The following HMCN1 variants were observed in gnomAD, a reference collection of about 807,000 sequenced individuals.
The protein encoded by HMCN1 is hemicentin-1.
Under a neutral mutation model 625.9 loss-of-function variants are expected in HMCN1, and 321 were observed. The observed-to-expected ratio is 0.51, with a 90% CI of 0.47 to 0.56. HMCN1 has a LOEUF of 0.56. Ranked by LOEUF, HMCN1 falls within the 20% of genes least tolerant of loss-of-function variation. The probability of loss-of-function intolerance (pLI) is 0.00; values close to 1 mark genes in which losing one functional copy is unlikely to be tolerated. For missense variants in HMCN1, 6,588 were observed against 6,887.3 expected (o/e 0.96, Z 1.54); for synonymous variants, 2,425 against 2,417.6 (o/e 1.00, Z -0.09).
At chr1:185,901,076 T>G (rs1363510506) in intron 4 of HMCN1, among the ~76,000 whole-genome samples, 1 of 151,868 alleles carries the variant, frequency 6.6e-6, no homozygotes, top group African/African-American at 2.4e-5. Flanking sequence ...AAATGTTTAA[T>G]GCATCTAAAT....
At chr1:185,881,656 T>C (rs1664319302) in intron 4 of HMCN1, among the ~76,000 whole-genome samples, 1 of 152,220 alleles carries the variant, frequency 6.6e-6, no homozygotes, top group African/African-American at 2.4e-5. Context: ...CTAGAATTTC[T>C]CTGCCTCCTG....
At chr1:186,122,334 T>A (rs1661434713) in intron 80 of HMCN1, among the ~76,000 whole-genome samples, 1 of 152,180 alleles carries the variant, frequency 6.6e-6, no homozygotes, top group Non-Finnish European at 1.5e-5. Context: ...GAATAGAATA[T>A]CCAGGCTAAT....
chr1:185,995,000 G>A lies in HMCN1; in HGVS notation c.3691G>A (p.Ala1231Thr). 1.9e-6 allele frequency: 3 copies of A among 1,613,852 alleles called. No individual in the cohort carries two copies. Among genetic ancestry groups the A allele is most frequent in the Non-Finnish European group, 2.5e-6 (3 of 1,179,848 alleles). ...NPDGTLSIDQATPSDAGIYTC... is the reference protein window; with the variant it reads ...NPDGTLSIDQTTPSDAGIYTC... ...AGACGGAACTTTAAGCATCGACCAA[G>A]CCACGCCCTCAGATGCTGGCATATA... Residue 1231 changes from alanine to threonine, a missense_variant, in exon 24 of 107, where the codon GCC becomes ACC. Transcript: ENST00000271588.
intron 8 of HMCN1, among the ~76,000 whole-genome samples, 192 bp from the exon 9 acceptor site, chr1:185,924,855 C>G (rs1169449124): frequency 3.3e-5 from 5 of 151,344 alleles, no homozygotes; most frequent in Non-Finnish European, 7.4e-5. Flanking sequence ...ATAAAGATAT[C>G]CAGAAATCAA....
chr1:185,926,439 A>G (rs1667281800), intron 9 of HMCN1, among the ~76,000 whole-genome samples: 1 of 152,218 alleles, frequency 6.6e-6, no homozygotes, highest in African/African-American at 2.4e-5. Context: ...TGACCGGGAT[A>G]TAAAATGATG....
At position 186,015,016 on chromosome 1, in the gene HMCN1, C is replaced by T. The variant is rs1003941775; in HGVS notation, c.4631-143C>T. On this transcript the variant is annotated intron_variant, in intron 30 of 106. Coordinates refer to ENST00000271588, the MANE Select transcript of HMCN1 (RefSeq NM_031935.3). Reference sequence around the variant, plus strand: ...AAGATGGTTTTGACAATAGAGGAAACTCATTATCAGGAGATAAACCACAGA... The same window carrying T: ...AAGATGGTTTTGACAATAGAGGAAATTCATTATCAGGAGATAAACCACAGA... 4.2e-6 allele frequency: 3 copies of T among 715,482 alleles called. No homozygotes were observed. The African/African-American group carries it at 5.4e-5, about 13-fold the overall frequency. 44.3% of individuals were successfully genotyped at this position (715,482 alleles called of 1,614,324 possible).
chr1:185,769,840 C>G (rs749670187), intron 1 of HMCN1, among the ~76,000 whole-genome samples: 8 of 152,152 alleles, frequency 5.3e-5, no homozygotes, highest in Non-Finnish European at 1.2e-4. Context: ...CCCATCATCA[C>G]AGATGCTAGC....
At chr1:186,052,620 C>A (rs552341089) in intron 42 of HMCN1, among the ~76,000 whole-genome samples, 1 of 152,096 alleles carries the variant, frequency 6.6e-6, no homozygotes, top group South Asian at 2.1e-4. Context: ...GGTACTTTAG[C>A]TTTTTGATGC....
At chr1:186,162,414 C>T (rs189480593) in intron 97 of HMCN1, among the ~76,000 whole-genome samples, 2 of 152,336 alleles carry the variant, frequency 1.3e-5, no homozygotes, top group African/African-American at 2.4e-5. Context: ...CTTCTCTCAA[C>T]TCGTCAAAGT....
chr1:186,122,468 A>G (rs922142547), intron 80 of HMCN1, among the ~76,000 whole-genome samples: 1 of 152,168 alleles, frequency 6.6e-6, no homozygotes, highest in Admixed American at 6.5e-5. Flanking sequence ...TGATCTATTT[A>G]TGTATTCATT....
At chr1:186,010,859 A>G (rs1306022385) in intron 30 of HMCN1, among the ~76,000 whole-genome samples, 3 of 152,282 alleles carry the variant, frequency 2.0e-5, no homozygotes, top group African/African-American at 4.8e-5. Context: ...GAAAGAAACA[A>G]ATTTCTACAA....
intron 11 of HMCN1, among the ~76,000 whole-genome samples, chr1:185,942,074 C>T (rs1290468399): frequency 1.3e-5 from 2 of 151,278 alleles, no homozygotes; most frequent in South Asian, 4.2e-4. Flanking sequence ...GCCTGTAATC[C>T]CAGCTACTCG....
intron 11 of HMCN1, among the ~76,000 whole-genome samples, chr1:185,938,913 G>A (rs1321299924): frequency 6.6e-6 from 1 of 151,616 alleles, no homozygotes; most frequent in Non-Finnish European, 1.5e-5. Flanking sequence ...GATGCAAGTA[G>A]TTTTGAAAAA....
chr1:186,053,712 G>A, intron 43 of HMCN1, 113 bp from the exon 44 acceptor site: 1 of 997,784 alleles, frequency 1.0e-6, no homozygotes, highest in Non-Finnish European at 1.6e-6. Flanking sequence ...TTATTTTACA[G>A]TGTCATTTGC....
At chr1:186,162,878 G>T (rs1213770227) in intron 97 of HMCN1, among the ~76,000 whole-genome samples, 1 of 152,230 alleles carries the variant, frequency 6.6e-6, no homozygotes, top group Non-Finnish European at 1.5e-5. Context: ...ACTTGAGGAG[G>T]CAGTCTGCCC....
rs1650677885 is a variant in HMCN1 at position 186,151,748 on chromosome 1, G to C, written c.14896+5G>C. 6.2e-7 allele frequency: 1 copy of C among 1,613,104 alleles called. No homozygotes were observed. The highest frequency in any genetic ancestry group is 1.3e-5 in the African/African-American group (1 of 74,900). On this transcript the variant is annotated splice_donor_5th_base_variant and intron_variant, in intron 95 of 106. Transcript: ENST00000271588. ...CTCAAGTGGAATTTGCAACTGGTTA[G>C]TGTCAGCTGAATTTAATATTCTATT... is the stretch of plus-strand genomic sequence containing the variant.
At chr1:185,894,273 T>C (rs1037462045) in intron 4 of HMCN1, among the ~76,000 whole-genome samples, 2 of 151,890 alleles carry the variant, frequency 1.3e-5, no homozygotes, top group African/African-American at 4.9e-5. Flanking sequence ...TGGCTTCTTT[T>C]GTTCAACATT....
At chr1:185,795,169 C>T in intron 1 of HMCN1, among the ~76,000 whole-genome samples, 1 of 152,174 alleles carries the variant, frequency 6.6e-6, no homozygotes, top group East Asian at 1.9e-4. Context: ...GTGGAGTGGT[C>T]ATAGTCGAGC....
At chr1:185,982,670 A>C (rs1227892015) in intron 18 of HMCN1, among the ~76,000 whole-genome samples, 1 of 151,592 alleles carries the variant, frequency 6.6e-6, no homozygotes. Flanking sequence ...CAAACTCCTG[A>C]CCTCAAGTGA....
Sources: allele counts gnomAD v4.1 joint callset (sites outside exome capture counted in the v4.1 genomes callset), GRCh38; gene constraint gnomAD v4.1.1; transcripts MANE v1.5; gene names NCBI Gene and HGNC (gene_info 2026-07-23, HGNC 2026-07-21).